Variants in ECT2L observed in about 807,000 individuals in gnomAD.
ECT2L encodes the protein epithelial cell transforming 2 like.
In ECT2L, 126 loss-of-function variants were observed where a neutral mutation model predicts 122.8. That is an observed-to-expected ratio of 1.03 (90% CI 0.89 to 1.19). ECT2L has a LOEUF of 1.19. ECT2L is among the 50% of genes most tolerant of loss of function. The pLI is 0.00. For synonymous variants in ECT2L, 385 were observed against 381.8 expected (o/e 1.01, Z -0.10); for missense variants, 1,012 against 1,064.1 (o/e 0.95, Z 0.68).
At chr6:138,836,289 C>CTTT (rs138141444) in intron 4 of ECT2L, among the ~76,000 whole-genome samples, 18 of 123,634 alleles carry the variant, frequency 1.5e-4, no homozygotes, top group African/African-American at 5.1e-4. Context: ...ATTCATTAAT[C>CTTT]TTTTTTTTTT....
At chr6:138,874,849 T>G (rs1317741599) in intron 13 of ECT2L, among the ~76,000 whole-genome samples, 1 of 152,062 alleles carries the variant, frequency 6.6e-6, no homozygotes, top group African/African-American at 2.4e-5. Flanking sequence ...ATCCCATCAC[T>G]TTGGGATCCC....
intron 13 of ECT2L, among the ~76,000 whole-genome samples, chr6:138,873,920 C>T (rs909325727): frequency 2.4e-4 from 10 of 41,312 alleles, no homozygotes; most frequent in Non-Finnish European, 4.4e-4. Context: ...GTGTGTCCAT[C>T]CATGTATCCA....
chr6:138,806,725 C>T (rs934788758), intron 1 of ECT2L, among the ~76,000 whole-genome samples: 3 of 151,848 alleles, frequency 2.0e-5, no homozygotes, highest in African/African-American at 7.3e-5. Flanking sequence ...GTTGGCCAAG[C>T]TGGTCTCAAA....
At chr6:138,867,672 AAAAAAAT>A (rs1035383359) in intron 12 of ECT2L, among the ~76,000 whole-genome samples, 3 of 126,000 alleles carry the variant, frequency 2.4e-5, no homozygotes, top group African/African-American at 5.6e-5. Flanking sequence ...AAAAAAAAAA[AAAAAAAT>A]TTAGCTGGGC....
In ECT2L at chr6:138,901,189, G is replaced by C. The variant is rs562793128; in HGVS notation, c.2587+69G>C. The C allele has an allele frequency of 1.5e-5, 22 of 1,454,358 alleles. No individual in the cohort carries two copies. In the Middle Eastern group the frequency reaches 5.4e-4, roughly 36 times the overall value. 90.1% of individuals were successfully genotyped at this position (1,454,358 alleles called of 1,614,324 possible). On this transcript the variant is annotated intron_variant, in intron 21 of 21. Transcript: ENST00000541398. ...CTATATAATGTAAAGCTCTTTAACA[G>C]AACAGTAGAAAAAGGACTGGAATTA... is the stretch of plus-strand genomic sequence containing the variant.
intron 10 of ECT2L, among the ~76,000 whole-genome samples, chr6:138,861,420 T>A (rs931314108): frequency 1.3e-5 from 2 of 152,214 alleles, no homozygotes; most frequent in African/African-American, 4.8e-5. Flanking sequence ...TAAATCACCA[T>A]TCTAACTGGC....
intron 20 of ECT2L, among the ~76,000 whole-genome samples, chr6:138,900,451 T>A: frequency 6.6e-6 from 1 of 152,222 alleles, no homozygotes; most frequent in Non-Finnish European, 1.5e-5. Context: ...TTCACTATGT[T>A]GGCCAGGCTG....
rs1778523370 is a variant in ECT2L, at chr6:138,878,262, C to A, written c.1665+1704C>A. Among the ~76,000 whole-genome samples, 8 of 151,828 alleles carry A rather than the reference C, an allele frequency of 5.3e-5. No homozygotes were observed. The South Asian group carries it at 1.7e-3, about 32-fold the overall frequency. ...ATGATAAATGAAAAACATGAGAATTCTCCAATTGAACAAGGTATGCAAGGA... is the reference window on the plus strand; with the variant it reads ...ATGATAAATGAAAAACATGAGAATTATCCAATTGAACAAGGTATGCAAGGA... On this transcript the variant is annotated intron_variant, in intron 14 of 21. Coordinates refer to ENST00000541398, the MANE Select transcript of ECT2L (RefSeq NM_001077706.3).
chr6:138,886,144 T>C (rs1029980481), intron 18 of ECT2L, among the ~76,000 whole-genome samples: 1 of 152,156 alleles, frequency 6.6e-6, no homozygotes, highest in African/African-American at 2.4e-5. Context: ...AGTAAAATCC[T>C]TTGTTTCTGA....
Position 138,843,085 on chromosome 6 carries a change from C to T in ECT2L, c.449C>T (p.Ser150Phe), listed in dbSNP as rs1777099266. The T allele has an allele frequency of 6.2e-7, 1 of 1,613,804 alleles. No homozygotes were observed. The highest frequency in any genetic ancestry group is 1.1e-5 in the South Asian group (1 of 91,032). Residue 150 changes from serine (S) to phenylalanine (F), a missense_variant, in exon 6 of 22, where the codon TCC becomes TTC. Transcript: ENST00000541398. The part of the protein sequence containing the change: ...AWKRHYIACV[S>F]HLDWLTPREA... ...AAGCGCCATTACATTGCTTGTGTGT[C>T]CCACTTAGACTGGCTGACACCTAGG...
intron 14 of ECT2L, among the ~76,000 whole-genome samples, chr6:138,878,304 TATAC>T (rs777392341): frequency 2.4e-4 from 25 of 103,402 alleles, no homozygotes; most frequent in African/African-American, 5.9e-4. Flanking sequence ...TACATATATA[TATAC>T]ACACACACAC....
At position 138,876,499 on chromosome 6, in the gene ECT2L, T is replaced by C; in HGVS notation, c.1606T>C (p.Trp536Arg). 1 of 1,613,306 alleles carries C rather than the reference T, an allele frequency of 6.2e-7. No homozygotes were observed. Among genetic ancestry groups the C allele is most frequent in the Non-Finnish European group, 8.5e-7 (1 of 1,179,420 alleles). Residue 536 changes from tryptophan to arginine, a missense_variant, in exon 14 of 22, where the codon TGG (tryptophan) becomes CGG (arginine). Physicochemically the swap from Trp to Arg is moderately radical, Grantham distance 101. Coordinates refer to ENST00000541398, the MANE Select transcript of ECT2L (RefSeq NM_001077706.3). ...SERNVVEDNS[W>R]DTKSRLSKND... ...AAGAAATGTTGTAGAAGACAATTCTTGGGACACAAAGTCCAGGCTCAGCAA... is the reference window on the plus strand; with the variant it reads ...AAGAAATGTTGTAGAAGACAATTCTCGGGACACAAAGTCCAGGCTCAGCAA...
chr6:138,879,846 G>A (rs563610427), intron 14 of ECT2L, among the ~76,000 whole-genome samples: 37 of 152,268 alleles, frequency 2.4e-4, no homozygotes, highest in African/African-American at 8.2e-4. Context: ...CCAGCTACTC[G>A]GGAGGCTGAG....
In ECT2L at chr6:138,843,117, G is replaced by A. The variant is rs1777100488; in HGVS notation, c.481G>A (p.Ala161Thr). Residue 161 changes from alanine (A) to threonine (T), a missense_variant, in exon 6 of 22, where the codon GCT becomes ACT. Ala to Thr is a moderately conservative substitution (Grantham distance 58, BLOSUM62 0). Transcript: ENST00000541398. The part of the protein sequence containing the change: ...HLDWLTPREA[A>T]ATYGTLNEPK... The stretch of plus-strand genomic sequence containing the variant: ...AGACTGGCTGACACCTAGGGAGGCT[G>A]CTGCTACTTATGGGACGCTGAATGA... 6.2e-7 allele frequency: 1 copy of A among 1,614,032 alleles called. No homozygotes were observed. Among genetic ancestry groups the A allele is most frequent in the Non-Finnish European group, 8.5e-7 (1 of 1,179,994 alleles).
intron 4 of ECT2L, among the ~76,000 whole-genome samples, chr6:138,818,269 A>T (rs906967288): frequency 3.0e-4 from 46 of 152,178 alleles, no homozygotes; most frequent in African/African-American, 1.0e-3. Flanking sequence ...TCTCCATCAG[A>T]GCAGACTTGA....
intron 20 of ECT2L, among the ~76,000 whole-genome samples, chr6:138,897,112 C>T (rs532386487): frequency 1.7e-4 from 26 of 152,236 alleles, no homozygotes; most frequent in South Asian, 1.7e-3. Flanking sequence ...TTTGCTGAAT[C>T]ACTGAATCTA....
intron 12 of ECT2L, among the ~76,000 whole-genome samples, chr6:138,867,720 T>C (rs1252697767): frequency 6.6e-6 from 1 of 150,414 alleles, no homozygotes; most frequent in East Asian, 1.9e-4. Context: ...TCCTAGCTAC[T>C]CAGGAGGCTG....
intron 1 of ECT2L, among the ~76,000 whole-genome samples, chr6:138,801,945 C>T (rs1775558543): frequency 6.6e-6 from 1 of 152,178 alleles, no homozygotes; most frequent in Non-Finnish European, 1.5e-5. Context: ...CAGATGTGGC[C>T]TGCTGACTGT....
At chr6:138,806,117 A>G (rs776650039) in intron 1 of ECT2L, among the ~76,000 whole-genome samples, 8 of 152,190 alleles carry the variant, frequency 5.3e-5, no homozygotes, top group Non-Finnish European at 4.4e-5. Flanking sequence ...CCAGTTGCAA[A>G]TGAGGCTCCT....
Sources: allele counts gnomAD v4.1 joint callset (sites outside exome capture counted in the v4.1 genomes callset), GRCh38; gene constraint gnomAD v4.1.1; transcripts MANE v1.5; gene names NCBI Gene and HGNC (gene_info 2026-07-23, HGNC 2026-07-21).